The following DLG2 variants were observed in gnomAD, a reference collection of about 807,000 sequenced individuals.
DLG2 encodes the protein disks large homolog 2.
A neutral mutation model predicts 132.5 loss-of-function variants in DLG2; 45 were observed. The observed-to-expected ratio is 0.34, with a 90% CI of 0.27 to 0.44. The LOEUF is 0.44. Ranked by LOEUF, DLG2 falls within the 20% of genes least tolerant of loss-of-function variation. DLG2 has a pLI of 1.00. For missense variants in DLG2, 1,045 were observed against 1,196.9 expected (o/e 0.87, Z 1.87); for synonymous variants, 424 against 419.6 (o/e 1.01, Z -0.13).
At chr11:83,933,870 A>G (rs1189158440) in intron 14 of DLG2, among the ~76,000 whole-genome samples, 3 of 152,242 alleles carry the variant, frequency 2.0e-5, no homozygotes, top group Non-Finnish European at 4.4e-5. Flanking sequence ...GGATTCTCCT[A>G]TGGAAGGTGA....
chr11:84,672,880 G>A (rs1160278063), intron 6 of DLG2, among the ~76,000 whole-genome samples: 1 of 152,110 alleles, frequency 6.6e-6, no homozygotes, highest in Non-Finnish European at 1.5e-5. Context: ...AGGAAGCATG[G>A]CAGCATCAGC....
intron 7 of DLG2, among the ~76,000 whole-genome samples, chr11:84,493,537 T>G (rs1328866495): frequency 6.6e-6 from 1 of 152,072 alleles, no homozygotes; most frequent in African/African-American, 2.4e-5. Flanking sequence ...GCTCAGGTCC[T>G]TGGATACTGT....
chr11:83,819,155 G>A (rs906728695), intron 17 of DLG2, among the ~76,000 whole-genome samples: 1 of 152,082 alleles, frequency 6.6e-6, no homozygotes, highest in African/African-American at 2.4e-5. Flanking sequence ...TCAGCATGGA[G>A]GCAGACCCTC....
At chr11:84,887,202 A>G (rs939695626) in intron 6 of DLG2, 4 of 152,120 alleles carry the variant, frequency 2.6e-5, no homozygotes, top group Non-Finnish European at 4.4e-5. Context: ...TTGAAGAAAA[A>G]ATTTTTAACT....
At chr11:85,514,385 A>C (rs1282032579) in intron 3 of DLG2, among the ~76,000 whole-genome samples, 1 of 152,026 alleles carries the variant, frequency 6.6e-6, no homozygotes, top group Non-Finnish European at 1.5e-5. Flanking sequence ...TCTGTGAATG[A>C]AATCACATAG....
intron 8 of DLG2, among the ~76,000 whole-genome samples, chr11:84,171,536 T>C (rs922280470): frequency 1.3e-5 from 2 of 152,208 alleles, no homozygotes; most frequent in Admixed American, 6.5e-5. Flanking sequence ...GTTTTATCCT[T>C]ACTGCTGCAA....
chr11:83,664,998 AC>A (rs1234591763), intron 18 of DLG2, among the ~76,000 whole-genome samples: 1 of 152,230 alleles, frequency 6.6e-6, no homozygotes, highest in Non-Finnish European at 1.5e-5. Flanking sequence ...AGAGTGTTTG[AC>A]TATAGCAAGT....
intron 7 of DLG2, among the ~76,000 whole-genome samples, chr11:84,391,983 C>G (rs1355313921): frequency 6.6e-6 from 1 of 152,148 alleles, no homozygotes; most frequent in Non-Finnish European, 1.5e-5. Context: ...CTTATCCAGT[C>G]ATCCTCTCTG....
At chr11:83,714,202 TAAGA>T (rs1414122728) in intron 18 of DLG2, among the ~76,000 whole-genome samples, 1 of 147,224 alleles carries the variant, frequency 6.8e-6, no homozygotes, top group Non-Finnish European at 1.5e-5. Context: ...ATGTGAAGAT[TAAGA>T]AAGAGAGAAA....
At chr11:85,477,817 T>C (rs957204123) in intron 3 of DLG2, among the ~76,000 whole-genome samples, 1 of 152,222 alleles carries the variant, frequency 6.6e-6, no homozygotes, top group Middle Eastern at 3.2e-3. Context: ...CAATAGAAAG[T>C]ATTTTTGAAT....
chr11:84,138,194 A>T (rs1423753311), intron 9 of DLG2, among the ~76,000 whole-genome samples: 2 of 152,206 alleles, frequency 1.3e-5, no homozygotes, highest in African/African-American at 4.8e-5. Flanking sequence ...CAAAATAGAT[A>T]TGACAATAAT....
At chr11:84,234,828 G>C (rs2097138700) in intron 8 of DLG2, among the ~76,000 whole-genome samples, 1 of 152,160 alleles carries the variant, frequency 6.6e-6, no homozygotes, top group Non-Finnish European at 1.5e-5. Context: ...ATATTTATTT[G>C]ACATAATTTG....
chr11:84,654,995 C>A (rs981753201), intron 6 of DLG2, among the ~76,000 whole-genome samples: 1 of 152,148 alleles, frequency 6.6e-6, no homozygotes, highest in African/African-American at 2.4e-5. Context: ...CTCCTTGAGA[C>A]AAAAACGTAT....
chr11:85,022,142 T>C (rs1004396600), intron 6 of DLG2, among the ~76,000 whole-genome samples: 3 of 151,942 alleles, frequency 2.0e-5, no homozygotes, highest in African/African-American at 7.2e-5. Context: ...TAGAGACTAA[T>C]TAATAGACTT....
chr11:83,476,902 A>T (rs975820561), intron 22 of DLG2, among the ~76,000 whole-genome samples: 5 of 152,136 alleles, frequency 3.3e-5, no homozygotes, highest in African/African-American at 1.2e-4. Flanking sequence ...ACTGCTTTAT[A>T]AAGACTAAAG....
chr11:83,501,836 C>G (rs2094463440), intron 21 of DLG2, among the ~76,000 whole-genome samples: 1 of 152,098 alleles, frequency 6.6e-6, no homozygotes, highest in East Asian at 1.9e-4. Context: ...ACATTAGGCC[C>G]CTTCTCTGAC....
intron 3 of DLG2, among the ~76,000 whole-genome samples, chr11:85,347,922 G>T (rs2082971655): frequency 7.9e-6 from 1 of 125,802 alleles, no homozygotes; most frequent in Non-Finnish European, 1.6e-5. Context: ...GCTCACCTCA[G>T]CCTCCCAAGT....
At chr11:84,667,271 C>T (rs1004661153) in intron 6 of DLG2, among the ~76,000 whole-genome samples, 4 of 151,936 alleles carry the variant, frequency 2.6e-5, no homozygotes, top group Non-Finnish European at 4.4e-5. Flanking sequence ...GTGAAGAAAG[C>T]TAATGCATGT....
At chr11:84,398,407 G>A (rs569064538) in intron 7 of DLG2, among the ~76,000 whole-genome samples, 2 of 152,250 alleles carry the variant, frequency 1.3e-5, no homozygotes, top group East Asian at 3.9e-4. Context: ...GGTATCTAAG[G>A]TTTTGGAAGT....
Sources: gnomAD v4.1 joint callset for allele counts (sites outside exome capture counted in the v4.1 genomes callset) on GRCh38, gnomAD v4.1.1 for gene constraint, MANE v1.5 for transcripts, NCBI Gene and HGNC (gene_info 2026-07-23, HGNC 2026-07-21) for gene names.